Variants in ITGB5 observed in about 807,000 individuals in gnomAD.
ITGB5 encodes integrin subunit beta 5.
ITGB5 carries 38 observed loss-of-function variants against 84.8 expected under a neutral mutation model. The observed-to-expected ratio is 0.45, with a 90% confidence interval of 0.35 to 0.59. The LOEUF (loss-of-function observed/expected upper bound fraction) is 0.59, where lower values mean the gene tolerates loss of function less well. Ranked by LOEUF, ITGB5 falls within the 20% of genes least tolerant of loss-of-function variation. The pLI, the probability that ITGB5 is intolerant of heterozygous loss-of-function variation, is 0.01. For missense variants in ITGB5, 905 were observed against 1,034.5 expected (o/e 0.87, Z 1.72); for synonymous variants, 393 against 414.4 (o/e 0.95, Z 0.63).
At chr3:124,872,425 C>T (rs1466837514) in intron 2 of ITGB5, among the ~76,000 whole-genome samples, 1 of 152,132 alleles carries the variant, frequency 6.6e-6, no homozygotes, top group Non-Finnish European at 1.5e-5. Context: ...GTATGATGTA[C>T]AAAGTGTATG....
chr3:124,774,659 T>C (rs560718992), intron 10 of ITGB5, among the ~76,000 whole-genome samples: 3 of 152,316 alleles, frequency 2.0e-5, no homozygotes, highest in South Asian at 4.1e-4. Context: ...TGTCACTAAA[T>C]CTGCGGTCAT....
Position 124,841,548 on chromosome 3 carries a change from G to GT in ITGB5, c.614dup (p.Tyr205Ter). ...AGGGGACGCAATTTGGAAACAACTT[G>GT]TAACTAGAGAGGAAGAAGAGAAGAG... ...PRYQTNPCIG[Y>*]KLFPNCVPSF... Residue 205 changes from tyrosine to a stop codon, truncating the protein, a stop_gained and frameshift_variant, in exon 5 of 15, where the codon TAC (tyrosine) becomes TAAC (stop). Coordinates refer to ENST00000296181, the MANE Select transcript of ITGB5 (RefSeq NM_002213.5). LOFTEE classifies it high-confidence loss of function. 1 of 1,613,572 alleles carries GT rather than the reference G, an allele frequency of 6.2e-7. No individual in the cohort carries two copies. Among genetic ancestry groups the GT allele is most frequent in the South Asian group, 1.1e-5 (1 of 91,000 alleles).
At chr3:124,868,645 C>CA (rs1218526827) in intron 2 of ITGB5, among the ~76,000 whole-genome samples, 5 of 79,798 alleles carry the variant, frequency 6.3e-5, no homozygotes, top group Non-Finnish European at 1.0e-4. Flanking sequence ...AAAAAAAAAT[C>CA]AAAAACTTGC....
chr3:124,869,125 T>C (rs557144334), intron 2 of ITGB5, among the ~76,000 whole-genome samples: 1 of 152,244 alleles, frequency 6.6e-6, no homozygotes, highest in East Asian at 1.9e-4. Flanking sequence ...TCCTCATAGG[T>C]TGGGAACCTG....
At chr3:124,812,293 G>T (rs1407402975) in intron 8 of ITGB5, among the ~76,000 whole-genome samples, 1 of 152,176 alleles carries the variant, frequency 6.6e-6, no homozygotes, top group Non-Finnish European at 1.5e-5. Flanking sequence ...TAGTTCTCCA[G>T]TAGGAAACAA....
intron 10 of ITGB5, among the ~76,000 whole-genome samples, chr3:124,782,731 G>A (rs1298122574): frequency 6.6e-6 from 1 of 152,116 alleles, no homozygotes; most frequent in African/African-American, 2.4e-5. Flanking sequence ...GGTGGCACAC[G>A]CTTGTAATCC....
chr3:124,784,517 CA>C (rs947915246), intron 10 of ITGB5, among the ~76,000 whole-genome samples: 1 of 152,170 alleles, frequency 6.6e-6, no homozygotes, highest in African/African-American at 2.4e-5. Flanking sequence ...CAACAACAAA[CA>C]AAATCAATGC....
intron 1 of ITGB5, among the ~76,000 whole-genome samples, chr3:124,884,440 C>T (rs13079779): frequency 0.44 from 66,161 of 151,918 alleles, 14,693 homozygotes; most frequent in East Asian, 0.67. Flanking sequence ...GTGGCTCACA[C>T]CTGTAATCCT....
At chr3:124,813,314 G>A (rs2064534686) in intron 8 of ITGB5, among the ~76,000 whole-genome samples, 1 of 152,136 alleles carries the variant, frequency 6.6e-6, no homozygotes. Flanking sequence ...CACCAGATGT[G>A]AGGATTTTTC....
intron 9 of ITGB5, among the ~76,000 whole-genome samples, chr3:124,801,284 G>A (rs1440099481): frequency 6.6e-6 from 1 of 152,220 alleles, no homozygotes; most frequent in Non-Finnish European, 1.5e-5. Context: ...GATGGTTGGT[G>A]TAGGATAAAG....
chr3:124,849,406 A>G (rs1210845446), intron 3 of ITGB5, among the ~76,000 whole-genome samples: 2 of 152,186 alleles, frequency 1.3e-5, no homozygotes, highest in Admixed American at 1.3e-4. Flanking sequence ...AAAATACCCC[A>G]ATGGGCAAAA....
Position 124,899,853 on chromosome 3 carries a change from CAAAAAAAAAAAAAAAAAA to C in ITGB5, c.-255+1395_-255+1412del, listed in dbSNP as rs60859904. On this transcript the variant is annotated intron_variant, in intron 1 of 4. Coordinates refer to the ITGB5 transcript ENST00000608657. ...TCGCCAGCATAGCAAGACCCTGTCT[CAAAAAAAAAAAAAAAAAA>C]AAAAAAAAAAAAGCAGCAGCAGGCA... is the stretch of plus-strand genomic sequence containing the variant. Among the ~76,000 whole-genome samples the C allele has an allele frequency of 3.4e-4, 12 of 35,012 alleles. 2 individuals are homozygous for C. The South Asian group carries it at 0.022, about 66-fold the overall frequency. The allele number at this position is 35,012 out of a possible 152,430, so 23.0% of individuals were successfully genotyped here. A position where few individuals can be genotyped will look rare whatever the true frequency, so the allele number is the denominator to read the frequency against.
chr3:124,767,696 CCA>C (rs2063786747), intron 12 of ITGB5, among the ~76,000 whole-genome samples: 1 of 152,198 alleles, frequency 6.6e-6, no homozygotes, highest in Non-Finnish European at 1.5e-5. Context: ...GGTCCACTCC[CCA>C]CAGTCTCCTA....
chr3:124,821,888 TGG>T, intron 5 of ITGB5, among the ~76,000 whole-genome samples: 1 of 131,534 alleles, frequency 7.6e-6, no homozygotes, highest in African/African-American at 2.9e-5. Flanking sequence ...CCTGGTTGGC[TGG>T]GCTAGCTAGT....
chr3:124,858,351 A>G (rs1236380089), intron 3 of ITGB5, among the ~76,000 whole-genome samples: 3 of 152,170 alleles, frequency 2.0e-5, no homozygotes, highest in Non-Finnish European at 2.9e-5. Flanking sequence ...CTCAAATGGA[A>G]TTTGCTGACA....
At chr3:124,766,202 C>T (rs1489812386) in intron 13 of ITGB5, 24 bp downstream of exon 13, 9 of 1,608,672 alleles carry the variant, frequency 5.6e-6, no homozygotes, top group East Asian at 2.2e-5. Context: ...CTGAGTGGGC[C>T]GAGCCCTTGC....
At chr3:124,831,575 T>C (rs1342623535) in intron 5 of ITGB5, among the ~76,000 whole-genome samples, 2 of 152,138 alleles carry the variant, frequency 1.3e-5, no homozygotes, top group African/African-American at 2.4e-5. Context: ...AAAACACAAG[T>C]GGGGCCTGCC....
chr3:124,853,226 T>C (rs180675820), intron 3 of ITGB5, among the ~76,000 whole-genome samples: 267 of 152,302 alleles, frequency 1.8e-3, no homozygotes, highest in Middle Eastern at 3.4e-3. Context: ...ATCAACTCTA[T>C]TATAACAGGA....
chr3:124,773,672 T>C lies in ITGB5; in HGVS notation c.1916+18A>G. On this transcript the variant is annotated intron_variant, in intron 11 of 14. Coordinates refer to ENST00000296181, the MANE Select transcript of ITGB5 (RefSeq NM_002213.5). The stretch of plus-strand genomic sequence containing the variant: ...GCCTGGGTGAGAAGTAAGGTGGGGC[T>C]GTCAGTGGAACCAGTACCTCTTGGT... 6.2e-7 allele frequency: 1 copy of C among 1,608,962 alleles called. No homozygotes were observed. The highest frequency in any genetic ancestry group is 8.5e-7 in the Non-Finnish European group (1 of 1,177,360).
Sources: allele counts gnomAD v4.1 joint callset (sites outside exome capture counted in the v4.1 genomes callset), GRCh38; gene constraint gnomAD v4.1.1; transcripts MANE v1.5; gene names NCBI Gene and HGNC (gene_info 2026-07-23, HGNC 2026-07-21).